Variants in OVOL2 observed in about 807,000 individuals in gnomAD.
OVOL2 encodes transcription factor Ovo-like 2.
Under a neutral mutation model 18.1 loss-of-function variants are expected in OVOL2, and 13 were observed. The ratio of observed to expected loss-of-function variants is 0.72; its 90% confidence interval spans 0.47 to 1.14. The LOEUF (loss-of-function observed/expected upper bound fraction) is 1.14. Among genes scored for constraint, OVOL2 ranks in the 50% most tolerant of loss-of-function variants. The pLI is 0.00. For synonymous variants in OVOL2, 166 were observed against 162.7 expected (o/e 1.02, Z -0.16); for missense variants, 335 against 383.0 (o/e 0.87, Z 1.05).
Position 18,056,725 on chromosome 20 carries a change from C to CG in OVOL2, c.252dup (p.Gly85ArgfsTer38). 1.4e-6 allele frequency: 2 copies of CG among 1,465,694 alleles called. No homozygotes were observed. Among genetic ancestry groups the CG allele is most frequent in the South Asian group, 1.4e-5 (1 of 72,058 alleles). 90.8% of individuals were successfully genotyped at this position (1,465,694 alleles called of 1,614,324 possible). ...TGTCCATCGGGGCCCTCGGCGTCGC[C>CG]GGGCTCGGGGGTTTCGCTCTCGGGG... On this transcript the variant is annotated frameshift_variant, in exon 2 of 4. Transcript: ENST00000278780. LOFTEE classifies it high-confidence loss of function. The surrounding 1 kb of genome is among the most constrained non-coding windows in gnomAD (Gnocchi z 4.2).
chr20:18,039,607 C>CAAAAAAAAAAAAAAAAAAA (rs111619803), intron 3 of OVOL2, among the ~76,000 whole-genome samples: 6 of 87,032 alleles, frequency 6.9e-5, no homozygotes, highest in Admixed American at 2.5e-4. Flanking sequence ...GACGCTGTCT[C>CAAAAAAAAAAAAAAAAAAA]AAAAAAAAAA....
chr20:18,040,799 A>G (rs1172082391), intron 3 of OVOL2, among the ~76,000 whole-genome samples: 1 of 152,158 alleles, frequency 6.6e-6, no homozygotes, highest in Non-Finnish European at 1.5e-5. Flanking sequence ...TCTAAAGGCA[A>G]TGAGCTCCTT....
rs780716372 is a variant in OVOL2 at position 18,024,835 on chromosome 20, C to T, written c.629G>A (p.Arg210Gln). 3.1e-6 allele frequency: 5 copies of T among 1,614,050 alleles called. No homozygotes were observed. The highest frequency in any genetic ancestry group is 4.2e-6 in the Non-Finnish European group (5 of 1,180,044). ...VQQQYAYKQR[R>Q]DKLYVCEDCG... ...ATCCTCGCAGACGTAGAGCTTGTCC[C>T]GCCGCTGCTTATAGGCATACTGCTG... The change falls in exon 4 of 4, where the codon CGG becomes CAG. Residue 210 changes from arginine to glutamine, a missense_variant. Arg to Gln is a conservative substitution (Grantham distance 43, BLOSUM62 1). Transcript: ENST00000278780.
intron 2 of OVOL2, among the ~76,000 whole-genome samples, chr20:18,049,605 C>T (rs534876768): frequency 2.7e-5 from 4 of 149,782 alleles, no homozygotes; most frequent in African/African-American, 9.7e-5. Context: ...CCCTACATGG[C>T]AGAATGGAGA....
At chr20:18,030,842 G>A (rs895897163) in intron 3 of OVOL2, among the ~76,000 whole-genome samples, 2 of 152,162 alleles carry the variant, frequency 1.3e-5, no homozygotes, top group Non-Finnish European at 2.9e-5. Flanking sequence ...TAGTGTAAAC[G>A]CCACCATTCA....
At chr20:18,051,109 C>CATGT (rs1394727964) in intron 2 of OVOL2, among the ~76,000 whole-genome samples, 5 of 152,064 alleles carry the variant, frequency 3.3e-5, no homozygotes. Context: ...GGCTCAGCAG[C>CATGT]ATGTGCCTGT....
chr20:18,032,302 GGAAGGAGA>G (rs1269147313), intron 3 of OVOL2, among the ~76,000 whole-genome samples: 2 of 141,016 alleles, frequency 1.4e-5, no homozygotes, highest in African/African-American at 5.3e-5. Context: ...AAGGAAGGAA[GGAAGGAGA>G]GAGAGAGAGA....
intron 3 of OVOL2, among the ~76,000 whole-genome samples, chr20:18,027,040 C>T (rs2036525945): frequency 6.6e-6 from 1 of 152,158 alleles, no homozygotes; most frequent in African/African-American, 2.4e-5. Flanking sequence ...GACCTCAAAT[C>T]TCAGCATCAT....
chr20:18,047,459 G>A (rs957507546), intron 2 of OVOL2, among the ~76,000 whole-genome samples: 5 of 149,310 alleles, frequency 3.3e-5, no homozygotes, highest in Admixed American at 6.6e-5. Context: ...GCAGTGAGCC[G>A]AAATTGTGCC....
intron 3 of OVOL2, among the ~76,000 whole-genome samples, chr20:18,037,080 G>A (rs2036621727): frequency 6.7e-6 from 1 of 148,730 alleles, no homozygotes; most frequent in South Asian, 2.1e-4. Context: ...AGCTTGCAGT[G>A]AGCCGAGATC....
At position 18,024,916 on chromosome 20, in the gene OVOL2, G is replaced by C. The variant is rs769654625; in HGVS notation, c.548C>G (p.Ala183Gly). The C allele has an allele frequency of 2.0e-5, 32 of 1,613,404 alleles. No individual in the cohort carries two copies. The highest frequency in any genetic ancestry group is 1.1e-5 in the Non-Finnish European group (13 of 1,179,510). Residue 183 changes from alanine (A) to glycine (G), a missense_variant, in exon 4 of 4, where the codon GCC becomes GGC. Transcript: ENST00000278780. Reference sequence around the variant, plus strand: ...CTCCAGAGAGCAGCGCTGGGTGAAGGCTTTATTGCAGACGTTGCATTTGTA... The same window carrying C: ...CTCCAGAGAGCAGCGCTGGGTGAAGCCTTTATTGCAGACGTTGCATTTGTA... ...RPYKCNVCNK[A>G]FTQRCSLESH...
chr20:18,047,669 C>T (rs148047064), intron 2 of OVOL2, among the ~76,000 whole-genome samples: 5,668 of 143,238 alleles, frequency 0.04, 169 homozygotes, highest in African/African-American at 0.059. Flanking sequence ...GCCTGACCAA[C>T]ATGGTGAAAC....
chr20:18,036,057 G>C (rs1294757233), intron 3 of OVOL2, among the ~76,000 whole-genome samples: 2 of 152,084 alleles, frequency 1.3e-5, no homozygotes, highest in African/African-American at 2.4e-5. Flanking sequence ...ACTTTGGGAG[G>C]CTGAGGCGGG....
chr20:18,036,875 G>T (rs1040817972), intron 3 of OVOL2, among the ~76,000 whole-genome samples: 1 of 152,128 alleles, frequency 6.6e-6, no homozygotes, highest in East Asian at 1.9e-4. Context: ...GGTGGCTCAC[G>T]CCTGTAATCC....
intron 2 of OVOL2, among the ~76,000 whole-genome samples, chr20:18,054,075 TTAA>T (rs1162656846): frequency 6.6e-6 from 1 of 152,192 alleles, no homozygotes; most frequent in Non-Finnish European, 1.5e-5. Context: ...TGCAGCAGAG[TTAA>T]TAATGTTTGT....
chr20:18,038,168 A>G (rs2036635705), intron 3 of OVOL2, among the ~76,000 whole-genome samples: 1 of 152,164 alleles, frequency 6.6e-6, no homozygotes, highest in South Asian at 2.1e-4. Context: ...TGTCTGAGTT[A>G]TTCCTCCCTA....
At chr20:18,035,188 C>T (rs1296852047) in intron 3 of OVOL2, among the ~76,000 whole-genome samples, 3 of 152,212 alleles carry the variant, frequency 2.0e-5, no homozygotes, top group Non-Finnish European at 4.4e-5. Context: ...CAGTGGCTCA[C>T]GCCTGTAATC....
chr20:18,051,910 ATTT>A (rs962388839), intron 2 of OVOL2, among the ~76,000 whole-genome samples: 1 of 150,934 alleles, frequency 6.6e-6, no homozygotes, highest in Admixed American at 6.6e-5. Flanking sequence ...TTTTTTTTGT[ATTT>A]TTTTTTAATA....
At chr20:18,044,710 C>T (rs1122811) in intron 2 of OVOL2, among the ~76,000 whole-genome samples, 20,894 of 152,036 alleles carry the variant, frequency 0.14, 2,253 homozygotes, top group African/African-American at 0.3. Flanking sequence ...ATCTGAGAGG[C>T]CCAGGGGTCC....
Sources: gnomAD v4.1 joint callset for allele counts (sites outside exome capture counted in the v4.1 genomes callset) on GRCh38, gnomAD v4.1.1 for gene constraint, Gnocchi (gnomAD v3.1) non-coding constraint, MANE v1.5 for transcripts, NCBI Gene and HGNC (gene_info 2026-07-23, HGNC 2026-07-21) for gene names.